CUX2: variants seen among roughly 807,000 people sequenced by gnomAD.
The protein encoded by CUX2 is homeobox protein cut-like 2.
Under a neutral mutation model 144.8 loss-of-function variants are expected in CUX2, and 40 were observed. That is an observed-to-expected ratio of 0.28 (90% CI 0.21 to 0.36). CUX2 has a LOEUF of 0.36. Ranked by LOEUF, CUX2 falls within the 10% of genes least tolerant of loss-of-function variation. The pLI, the probability that CUX2 is intolerant of heterozygous loss-of-function variation, is 1.00. For synonymous variants in CUX2, 827 were observed against 875.6 expected, an observed-to-expected ratio of 0.94 and a Z score of 0.98; for missense variants, 1,615 against 1,994.0, an observed-to-expected ratio of 0.81 and a Z score of 3.62.
chr12:111,112,850 C>A (rs1874055983), intron 1 of CUX2, among the ~76,000 whole-genome samples: 1 of 152,224 alleles, frequency 6.6e-6, no homozygotes, highest in South Asian at 2.1e-4. Context: ...CATAACTTGG[C>A]CAGCATTTTC....
At position 111,135,342 on chromosome 12, in the gene CUX2, C is replaced by T. The variant is rs146949213; in HGVS notation, c.64-78858C>T. Among the ~76,000 whole-genome samples, 675 of 152,142 alleles carry T rather than the reference C, an allele frequency of 4.4e-3. 7 individuals are homozygous for T. The highest frequency in any genetic ancestry group is 0.015 in the African/African-American group (629 of 41,512). The stretch of plus-strand genomic sequence containing the variant: ...TTGAATAAGGCAGCCATGAGGATAT[C>T]GGGGAAAGGGCATTCCTAGCTGAGT... On this transcript the variant is annotated intron_variant, in intron 1 of 21. Coordinates refer to ENST00000261726, the MANE Select transcript of CUX2 (RefSeq NM_015267.4).
intron 1 of CUX2, among the ~76,000 whole-genome samples, chr12:111,129,184 A>G (rs528997571): frequency 2.0e-5 from 3 of 152,366 alleles, no homozygotes; most frequent in East Asian, 1.9e-4. Flanking sequence ...ACCTTCTGGC[A>G]TGCAAATGTC....
chr12:111,224,251 C>T (rs1882009174), intron 3 of CUX2, among the ~76,000 whole-genome samples: 1 of 152,104 alleles, frequency 6.6e-6, no homozygotes, highest in Non-Finnish European at 1.5e-5. Flanking sequence ...AGACAATCGT[C>T]GGTGGGGAAG....
At chr12:111,211,988 C>A (rs1384836369) in intron 1 of CUX2, among the ~76,000 whole-genome samples, 1 of 152,014 alleles carries the variant, frequency 6.6e-6, no homozygotes, top group East Asian at 1.9e-4. Context: ...AAAATCACAT[C>A]TTTGTCTTCA....
At chr12:111,273,412 G>A (rs1041591314) in intron 4 of CUX2, among the ~76,000 whole-genome samples, 1 of 152,166 alleles carries the variant, frequency 6.6e-6, no homozygotes, top group Non-Finnish European at 1.5e-5. Flanking sequence ...TCACACAGCA[G>A]AGAAGTGACG....
chr12:111,281,465 A>G (rs763912641), intron 4 of CUX2, among the ~76,000 whole-genome samples: 9 of 152,172 alleles, frequency 5.9e-5, no homozygotes, highest in Non-Finnish European at 1.2e-4. Context: ...AACATTCTCT[A>G]TGGTCCCACT....
At chr12:111,162,601 G>A (rs976188565) in intron 1 of CUX2, among the ~76,000 whole-genome samples, 14 of 152,244 alleles carry the variant, frequency 9.2e-5, no homozygotes, top group African/African-American at 3.4e-4. Flanking sequence ...ACAAGCAGAG[G>A]AAGCTCTGTG....
chr12:111,265,096 G>GA (rs1331241424), intron 4 of CUX2, among the ~76,000 whole-genome samples: 5 of 150,280 alleles, frequency 3.3e-5, no homozygotes, highest in East Asian at 1.9e-4. Context: ...CACCTTAATT[G>GA]AAAAAAAAAG....
At chr12:111,179,555 GCA>G in intron 1 of CUX2, among the ~76,000 whole-genome samples, 1 of 152,286 alleles carries the variant, frequency 6.6e-6, no homozygotes, top group East Asian at 1.9e-4. Context: ...ATGGTGCGTG[GCA>G]CAGAGTTCAT....
chr12:111,132,177 G>A (rs536006719), intron 1 of CUX2, among the ~76,000 whole-genome samples: 1 of 152,300 alleles, frequency 6.6e-6, no homozygotes, highest in East Asian at 1.9e-4. Context: ...TCAACACCCT[G>A]TGGAAGCTGC....
In CUX2 at chr12:111,214,173, C is replaced by CTTTT. The variant is rs373389929; in HGVS notation, c.64-14_64-11dup. The CTTTT allele has an allele frequency of 1.6e-4, 165 of 1,003,436 alleles. 1 individual carries two copies. Among genetic ancestry groups the CTTTT allele is most frequent in the South Asian group, 7.2e-4 (37 of 51,040 alleles). 62.2% of individuals were successfully genotyped at this position (1,003,436 alleles called of 1,614,324 possible). A position where few individuals can be genotyped will look rare whatever the true frequency, so the allele number is the denominator to read the frequency against. On this transcript the variant is annotated intron_variant, in intron 1 of 21. Coordinates refer to ENST00000261726, the MANE Select transcript of CUX2 (RefSeq NM_015267.4). ...AAATCTTTTTCTTTTCTCTCTCTCT[C>CTTTT]TTTTTTTTTTTTTTTTATTGTTCCA...
At chr12:111,108,889 T>A (rs926225429) in intron 1 of CUX2, among the ~76,000 whole-genome samples, 1 of 152,194 alleles carries the variant, frequency 6.6e-6, no homozygotes, top group Non-Finnish European at 1.5e-5. Context: ...CCCCTGGGTC[T>A]CCTGTGAACT....
Position 111,160,630 on chromosome 12 carries a change from A to G in CUX2, c.64-53570A>G, listed in dbSNP as rs1381344599. ...CGAAGGGGCCTGGGTTTTTGTCTCC[A>G]TGTCCAGGGAGCCAATGGAGGGCTA... On this transcript the variant is annotated intron_variant, in intron 1 of 21. Coordinates refer to ENST00000261726, the MANE Select transcript of CUX2 (RefSeq NM_015267.4). The surrounding 1 kb of genome is among the most constrained non-coding windows in gnomAD (Gnocchi z 4.1). Among the ~76,000 whole-genome samples, 2 of 152,128 alleles carry G rather than the reference A, an allele frequency of 1.3e-5. No homozygotes were observed. The highest frequency in any genetic ancestry group is 2.4e-5 in the African/African-American group (1 of 41,424).
chr12:111,165,358 T>C (rs900391191), intron 1 of CUX2, among the ~76,000 whole-genome samples: 1 of 152,322 alleles, frequency 6.6e-6, no homozygotes, highest in African/African-American at 2.4e-5. Context: ...AGTGACCTCA[T>C]TGAGGCAGTG....
In CUX2 at chr12:111,160,167, C is replaced by G. The variant is rs1877661434; in HGVS notation, c.64-54033C>G. ...ACAGAAGAATGTCTCCTGGGACAGG[C>G]AGCATAGGACGGGGCTAGGGGGACA... On this transcript the variant is annotated intron_variant, in intron 1 of 21. Transcript: ENST00000261726. The surrounding 1 kb of genome is among the most constrained non-coding windows in gnomAD (Gnocchi z 4.1). Among the ~76,000 whole-genome samples, 1 of 152,190 alleles carries G rather than the reference C, an allele frequency of 6.6e-6. No homozygotes were observed. The highest frequency in any genetic ancestry group is 2.4e-5 in the African/African-American group (1 of 41,444).
chr12:111,153,082 A>G (rs145945946), intron 1 of CUX2, among the ~76,000 whole-genome samples: 185 of 152,326 alleles, frequency 1.2e-3, no homozygotes, highest in African/African-American at 4.1e-3. Context: ...GAATCCCGAA[A>G]GCCACCCGAG....
chr12:111,176,211 A>AT (rs1461724358), intron 1 of CUX2, among the ~76,000 whole-genome samples: 27 of 148,792 alleles, frequency 1.8e-4, no homozygotes, highest in Middle Eastern at 3.4e-3. Flanking sequence ...ACCACACCTA[A>AT]TTTTTTTTTT....
Position 111,320,737 on chromosome 12 carries a change from G to A in CUX2, c.2728G>A (p.Ala910Thr), listed in dbSNP as rs1887484867. ...ELTRQVKEKL[A>T]KNGICQRIFG... ...CACCCGCCAGGTCAAGGAGAAGCTGGCCAAGAACGGCATCTGCCAGAGGAT... is the reference window on the plus strand; with the variant it reads ...CACCCGCCAGGTCAAGGAGAAGCTGACCAAGAACGGCATCTGCCAGAGGAT... The change falls in exon 17 of 22, where the codon GCC (alanine) becomes ACC (threonine). Residue 910 changes from alanine to threonine, a missense_variant. By Grantham distance (58) the Ala-to-Thr change is moderately conservative. Transcript: ENST00000261726. This position sits in a 1 kb window ranked among gnomAD's most constrained non-coding sequence, Gnocchi z 8.1. 6.3e-7 allele frequency: 1 copy of A among 1,582,736 alleles called. No homozygotes were observed. The highest frequency in any genetic ancestry group is 2.3e-5 in the East Asian group (1 of 43,486).
chr12:111,035,311 T>C lies in CUX2; in HGVS notation c.63+1071T>C, dbSNP rs1255621650. 6.6e-6 allele frequency among the ~76,000 whole-genome samples: 1 copy of C among 152,044 alleles called. No individual in the cohort carries two copies. Among genetic ancestry groups the C allele is most frequent in the East Asian group, 1.9e-4 (1 of 5,164 alleles). On this transcript the variant is annotated intron_variant, in intron 1 of 21. Coordinates refer to ENST00000261726, the MANE Select transcript of CUX2 (RefSeq NM_015267.4). This position sits in a 1 kb window ranked among gnomAD's most constrained non-coding sequence, Gnocchi z 6.0. ...TCTCCCCATCCTCCCTTTGTGGGAG[T>C]CTGTGTGCCTCCCCTAGATTTGGAG...
Sources: allele counts gnomAD v4.1 joint callset (sites outside exome capture counted in the v4.1 genomes callset), GRCh38; gene constraint gnomAD v4.1.1; non-coding constraint Gnocchi (gnomAD v3.1); transcripts MANE v1.5; gene names NCBI Gene and HGNC (gene_info 2026-07-23, HGNC 2026-07-21).